NCKAP5: variants seen among roughly 807,000 people sequenced by gnomAD.
NCKAP5 encodes nck-associated protein 5.
A neutral mutation model predicts 167.0 loss-of-function variants in NCKAP5; 92 were observed. The ratio of observed to expected loss-of-function variants is 0.55; its 90% CI spans 0.47 to 0.66. The LOEUF (loss-of-function observed/expected upper bound fraction) is 0.66. Ranked by LOEUF, NCKAP5 falls within the 30% of genes least tolerant of loss-of-function variation. NCKAP5 has a pLI of 0.00. For missense variants in NCKAP5, 2,378 were observed against 2,315.0 expected (o/e 1.03, Z -0.56); for synonymous variants, 891 against 877.4 (o/e 1.02, Z -0.27).
At chr2:133,125,331 C>T (rs1574103638) in intron 6 of NCKAP5, among the ~76,000 whole-genome samples, 1 of 151,380 alleles carries the variant, frequency 6.6e-6, no homozygotes, top group Non-Finnish European at 1.5e-5. Flanking sequence ...GATACACAAA[C>T]ACTTCATTAC....
At chr2:133,506,367 T>C (rs940369233) in intron 3 of NCKAP5, among the ~76,000 whole-genome samples, 3 of 152,230 alleles carry the variant, frequency 2.0e-5, no homozygotes, top group Non-Finnish European at 2.9e-5. Flanking sequence ...TATTATTTTA[T>C]AGAGTCAATG....
chr2:133,518,372 T>TTTTTTC (rs1261336479), intron 2 of NCKAP5, among the ~76,000 whole-genome samples: 1 of 129,214 alleles, frequency 7.7e-6, no homozygotes, highest in Non-Finnish European at 1.6e-5. Flanking sequence ...TTTTTTTTTT[T>TTTTTTC]GGGATGGAAT....
chr2:133,310,800 C>T (rs1464822562), intron 3 of NCKAP5, among the ~76,000 whole-genome samples: 1 of 152,196 alleles, frequency 6.6e-6, no homozygotes, highest in Non-Finnish European at 1.5e-5. Flanking sequence ...TGTAACCAGG[C>T]TCATGAGAGA....
At chr2:133,023,281 TGTTCACCA>T (rs1170821307) in intron 6 of NCKAP5, among the ~76,000 whole-genome samples, 1 of 152,242 alleles carries the variant, frequency 6.6e-6, no homozygotes, top group Non-Finnish European at 1.5e-5. Context: ...TCCATATTAA[TGTTCACCA>T]GCACTTTTTC....
intron 6 of NCKAP5, among the ~76,000 whole-genome samples, chr2:133,050,448 T>G (rs1371682269): frequency 6.6e-6 from 1 of 152,232 alleles, no homozygotes; most frequent in Non-Finnish European, 1.5e-5. Context: ...GAGTAAACTT[T>G]GCACGATTTG....
chr2:132,945,117 C>T (rs1697602077), intron 8 of NCKAP5, among the ~76,000 whole-genome samples: 3 of 152,098 alleles, frequency 2.0e-5, no homozygotes, highest in Non-Finnish European at 2.9e-5. Flanking sequence ...AAAGGCTGTG[C>T]TGCTGGTCCT....
At chr2:133,404,671 G>A (rs1437829378) in intron 3 of NCKAP5, among the ~76,000 whole-genome samples, 3 of 152,174 alleles carry the variant, frequency 2.0e-5, no homozygotes, top group Non-Finnish European at 4.4e-5. Flanking sequence ...AATTGTAAAA[G>A]CAGAAAAATG....
chr2:132,989,641 A>G (rs969791079), intron 7 of NCKAP5, among the ~76,000 whole-genome samples: 2 of 152,124 alleles, frequency 1.3e-5, no homozygotes, highest in African/African-American at 4.8e-5. Flanking sequence ...AATATATCTC[A>G]GTTTACTTTA....
intron 6 of NCKAP5, among the ~76,000 whole-genome samples, chr2:133,039,542 C>T (rs2079145209): frequency 6.6e-6 from 1 of 152,176 alleles, no homozygotes; most frequent in African/African-American, 2.4e-5. Context: ...ACTACAATTG[C>T]TGCACACTCT....
At chr2:133,608,156 AT>A in the NCKAP5 span, among the ~76,000 whole-genome samples, 1 of 152,216 alleles carries the variant, frequency 6.6e-6, no homozygotes, top group African/African-American at 2.4e-5. Context: ...TTTTATGTCC[AT>A]AAAATGGTGC....
intron 3 of NCKAP5, among the ~76,000 whole-genome samples, chr2:133,306,884 C>G (rs1358407922): frequency 6.6e-6 from 1 of 152,190 alleles, no homozygotes; most frequent in African/African-American, 2.4e-5. Context: ...TCTCCTATTT[C>G]TACAGTATAA....
chr2:133,612,102 C>T, the NCKAP5 span, among the ~76,000 whole-genome samples: 2 of 152,138 alleles, frequency 1.3e-5, no homozygotes, highest in Non-Finnish European at 2.9e-5. Flanking sequence ...TGATAGGATA[C>T]AATAGACTTC....
rs118088061 is a variant in NCKAP5, at chr2:132,837,795, T to C, written c.807+22697A>G. Among the ~76,000 whole-genome samples the C allele has an allele frequency of 1.2e-3, 177 of 152,270 alleles. 2 individuals are homozygous for C. In the East Asian group the frequency reaches 0.025, roughly 22 times the overall value. ...AGGGCTTGTTCCTGGCTGGACTTCATTGAGAATGTGGGGAGCTGACTTCCC... is the reference window on the plus strand; with the variant it reads ...AGGGCTTGTTCCTGGCTGGACTTCACTGAGAATGTGGGGAGCTGACTTCCC... On this transcript the variant is annotated intron_variant, in intron 11 of 19. Transcript: ENST00000409261.
At chr2:132,980,773 A>G (rs2077112715) in intron 7 of NCKAP5, among the ~76,000 whole-genome samples, 1 of 152,236 alleles carries the variant, frequency 6.6e-6, no homozygotes, top group African/African-American at 2.4e-5. Flanking sequence ...AAAGCTCAGA[A>G]GAAAAAAAAA....
At chr2:133,132,058 C>A (rs1214769542) in intron 5 of NCKAP5, among the ~76,000 whole-genome samples, 4 of 151,836 alleles carry the variant, frequency 2.6e-5, no homozygotes, top group African/African-American at 9.7e-5. Flanking sequence ...GGGAGGCTGA[C>A]ACGGGTGGAT....
At chr2:133,550,291 C>T (rs2104947987) in intron 2 of NCKAP5, among the ~76,000 whole-genome samples, 1 of 147,012 alleles carries the variant, frequency 6.8e-6, no homozygotes, top group South Asian at 2.3e-4. Flanking sequence ...AGAGACACAA[C>T]AAAAAAAGAG....
At chr2:132,809,090 TG>T (rs1685659798) in intron 11 of NCKAP5, among the ~76,000 whole-genome samples, 1 of 152,176 alleles carries the variant, frequency 6.6e-6, no homozygotes. Flanking sequence ...AGGTTCCTTT[TG>T]GAGTTGATTT....
At chr2:133,305,933 T>C (rs577018077) in intron 3 of NCKAP5, among the ~76,000 whole-genome samples, 2 of 152,360 alleles carry the variant, frequency 1.3e-5, no homozygotes, top group East Asian at 3.9e-4. Context: ...AAAAGAGACA[T>C]TAATCTTACA....
chr2:133,422,541 AAAG>A (rs1413332679), intron 3 of NCKAP5, among the ~76,000 whole-genome samples: 1 of 152,214 alleles, frequency 6.6e-6, no homozygotes. Context: ...AGGACCAAGA[AAAG>A]AAGAATTCAG....
Sources: gnomAD v4.1 joint callset for allele counts (sites outside exome capture counted in the v4.1 genomes callset) on GRCh38, gnomAD v4.1.1 for gene constraint, MANE v1.5 for transcripts, NCBI Gene and HGNC (gene_info 2026-07-23, HGNC 2026-07-21) for gene names.